Variants in STARD3NL observed in about 807,000 individuals in gnomAD.
STARD3NL encodes STARD3 N-terminal like.
A neutral mutation model predicts 30.9 loss-of-function variants in STARD3NL; 17 were observed. That is an observed-to-expected ratio of 0.55 (90% CI 0.38 to 0.82). The LOEUF is 0.82. Ranked by LOEUF, STARD3NL falls within the 40% of genes least tolerant of loss-of-function variation. The pLI is 0.00. For synonymous variants in STARD3NL, 112 were observed against 100.5 expected, an observed-to-expected ratio of 1.11 and a Z score of -0.69; for missense variants, 234 against 277.6, an observed-to-expected ratio of 0.84 and a Z score of 1.12.
intron 6 of STARD3NL, among the ~76,000 whole-genome samples, 171 bp downstream of exon 6, chr7:38,217,476 A>G (rs1327372495): frequency 6.6e-6 from 1 of 152,138 alleles, no homozygotes; most frequent in Non-Finnish European, 1.5e-5. Flanking sequence ...GGGTGGATGA[A>G]AGGGTAAGTA....
chr7:38,208,409 C>A (rs1295849400), intron 2 of STARD3NL, among the ~76,000 whole-genome samples: 2 of 152,066 alleles, frequency 1.3e-5, no homozygotes, highest in Non-Finnish European at 2.9e-5. Context: ...CAGTACTGTC[C>A]AATAGAAATA....
chr7:38,222,372 AT>A (rs1317153671), intron 7 of STARD3NL, among the ~76,000 whole-genome samples: 1 of 152,232 alleles, frequency 6.6e-6, no homozygotes, highest in Non-Finnish European at 1.5e-5. Flanking sequence ...TTTGTAGAAA[AT>A]CTGTTTCTAA....
At chr7:38,184,300 G>T (rs575735892) in intron 1 of STARD3NL, among the ~76,000 whole-genome samples, 1 of 152,092 alleles carries the variant, frequency 6.6e-6, no homozygotes, top group East Asian at 1.9e-4. Context: ...GCAGGATGGC[G>T]AAACTTCCTG....
chr7:38,204,343 G>A (rs1006582520), intron 1 of STARD3NL, among the ~76,000 whole-genome samples: 22 of 152,236 alleles, frequency 1.4e-4, no homozygotes, highest in East Asian at 1.3e-3. Context: ...ACTCAAAACC[G>A]CTCAACTACA....
chr7:38,182,412 G>A (rs1784286909), intron 1 of STARD3NL, among the ~76,000 whole-genome samples: 1 of 152,116 alleles, frequency 6.6e-6, no homozygotes. Flanking sequence ...TACTAACAAC[G>A]ATTTCCACTT....
At chr7:38,220,562 C>G (rs1786394819) in intron 7 of STARD3NL, among the ~76,000 whole-genome samples, 5 of 152,050 alleles carry the variant, frequency 3.3e-5, no homozygotes, top group Admixed American at 2.6e-4. Flanking sequence ...TGGTATAGCC[C>G]CAGTAGAAAA....
At chr7:38,198,455 A>G (rs1475575077) in intron 1 of STARD3NL, 1 of 152,250 alleles carries the variant, frequency 6.6e-6, no homozygotes, top group Non-Finnish European at 1.5e-5. Flanking sequence ...TTAAAATGTT[A>G]GCAGTTAAGT....
At chr7:38,183,756 T>C (rs925571281) in intron 1 of STARD3NL, among the ~76,000 whole-genome samples, 4 of 152,156 alleles carry the variant, frequency 2.6e-5, no homozygotes, top group African/African-American at 9.7e-5. Flanking sequence ...ACCTGTCTAG[T>C]TGTATGTGAA....
intron 1 of STARD3NL, among the ~76,000 whole-genome samples, chr7:38,195,781 A>G (rs1433709723): frequency 6.6e-6 from 1 of 152,232 alleles, no homozygotes; most frequent in African/African-American, 2.4e-5. Flanking sequence ...TGTAATAGCT[A>G]TCCATCATTT....
chr7:38,214,898 C>T (rs1786011902), intron 3 of STARD3NL, 130 bp from the exon 4 acceptor site: 3 of 759,090 alleles, frequency 4.0e-6, no homozygotes, highest in African/African-American at 1.7e-5. Flanking sequence ...TGCTGGTCTA[C>T]AGACCAGTGC....
Position 38,217,079 on chromosome 7 carries a change from G to T in STARD3NL, c.435+1G>T. On this transcript the variant is annotated splice_donor_variant, in intron 5 of 8. Coordinates refer to ENST00000009041, the MANE Select transcript of STARD3NL (RefSeq NM_032016.4). LOFTEE classifies it high-confidence loss of function. ...ACTAGCAAAAGTGATCCTTTCGAAG[G>T]TATGGCCTACCACTTTTTCTATACA... 1 of 1,614,104 alleles carries T rather than the reference G, an allele frequency of 6.2e-7. No homozygotes were observed. Among genetic ancestry groups the T allele is most frequent in the Non-Finnish European group, 8.5e-7 (1 of 1,179,964 alleles).
chr7:38,205,557 A>G (rs1785414090), intron 1 of STARD3NL, among the ~76,000 whole-genome samples: 1 of 152,160 alleles, frequency 6.6e-6, no homozygotes, highest in Non-Finnish European at 1.5e-5. Flanking sequence ...CTAATTAGTT[A>G]TTTAGGTTGT....
rs1784953110 is a variant in STARD3NL, at chr7:38,197,168, C to CTTTCTTTCTTTCTT, written c.-58-10277_-58-10264dup. ...TCTTTCTTTCTTTCTTTCTTTCTTT[C>CTTTCTTTCTTTCTT]TTTCTTTCTTTCTTTCTTTCTTTCT... On this transcript the variant is annotated intron_variant, in intron 1 of 8. Transcript: ENST00000009041. 2.0e-5 allele frequency among the ~76,000 whole-genome samples: 3 copies of CTTTCTTTCTTTCTT among 147,760 alleles called. No individual in the cohort carries two copies. In the Admixed American group the frequency reaches 2.1e-4, roughly 10 times the overall value.
intron 1 of STARD3NL, among the ~76,000 whole-genome samples, chr7:38,186,887 GA>G (rs1364132982): frequency 1.3e-5 from 2 of 152,096 alleles, no homozygotes; most frequent in Non-Finnish European, 2.9e-5. Context: ...GAGAAAGGGG[GA>G]AAAAAGCTGC....
At chr7:38,215,476 G>A in intron 4 of STARD3NL, 1 of 229,492 alleles carries the variant, frequency 4.4e-6, no homozygotes, top group Non-Finnish European at 8.5e-6. Flanking sequence ...TTGTTTTCAT[G>A]ACATGGTCTG....
At chr7:38,209,450 A>G (rs941335955) in intron 2 of STARD3NL, among the ~76,000 whole-genome samples, 10 of 151,744 alleles carry the variant, frequency 6.6e-5, no homozygotes, top group Non-Finnish European at 1.3e-4. Flanking sequence ...CGCCTTGCTA[A>G]TTTTTTTGTA....
At position 38,203,755 on chromosome 7, in the gene STARD3NL, A is replaced by G. The variant is rs571322243; in HGVS notation, c.-58-3692A>G. Among the ~76,000 whole-genome samples, 5 of 152,338 alleles carry G rather than the reference A, an allele frequency of 3.3e-5. No homozygotes were observed. The South Asian group carries it at 6.2e-4, about 19-fold the overall frequency. On this transcript the variant is annotated intron_variant, in intron 1 of 8. Coordinates refer to ENST00000009041, the MANE Select transcript of STARD3NL (RefSeq NM_032016.4). ...ACCCGTCTCACGTGCAGAGACACAC[A>G]TAGGCTCAAAATAAAGGGATGGAGG...
intron 1 of STARD3NL, among the ~76,000 whole-genome samples, chr7:38,191,338 A>G (rs1324603047): frequency 1.3e-5 from 2 of 152,218 alleles, no homozygotes; most frequent in Non-Finnish European, 1.5e-5. Flanking sequence ...AAATTCCAAC[A>G]TTACTGTCAT....
intron 2 of STARD3NL, among the ~76,000 whole-genome samples, chr7:38,209,058 G>A (rs1037318287): frequency 6.6e-6 from 1 of 152,130 alleles, no homozygotes; most frequent in African/African-American, 2.4e-5. Context: ...CCACTGTTAA[G>A]TTTCTGTTTA....
Sources: gnomAD v4.1 joint callset for allele counts (sites outside exome capture counted in the v4.1 genomes callset) on GRCh38, gnomAD v4.1.1 for gene constraint, MANE v1.5 for transcripts, NCBI Gene and HGNC (gene_info 2026-07-23, HGNC 2026-07-21) for gene names.